ARPP21: variants seen among roughly 807,000 people sequenced by gnomAD.
ARPP21 encodes cAMP-regulated phosphoprotein 21.
Under a neutral mutation model 113.2 loss-of-function variants are expected in ARPP21, and 69 were observed. The observed-to-expected ratio is 0.61, with a 90% CI of 0.50 to 0.74. The LOEUF (loss-of-function observed/expected upper bound fraction) is 0.74, where lower values mean the gene tolerates loss of function less well. ARPP21 is among the 30% of genes least tolerant of loss of function. The probability of loss-of-function intolerance (pLI) is 0.00; values close to 1 mark genes in which losing one functional copy is unlikely to be tolerated. For synonymous variants in ARPP21, 368 were observed against 375.5 expected, an observed-to-expected ratio of 0.98 and a Z score of 0.23; for missense variants, 1,070 against 1,037.4, an observed-to-expected ratio of 1.03 and a Z score of -0.43.
chr3:35,670,632 C>T (rs2076099601), intron 1 of ARPP21, among the ~76,000 whole-genome samples: 1 of 151,966 alleles, frequency 6.6e-6, no homozygotes, highest in Admixed American at 6.6e-5. Context: ...CACAGATGGA[C>T]CCAGAGCCTG....
intron 9 of ARPP21, among the ~76,000 whole-genome samples, chr3:35,692,422 A>G (rs191737723): frequency 7.3e-5 from 11 of 151,672 alleles, no homozygotes; most frequent in Admixed American, 4.0e-4. Context: ...TGGCTTTTAG[A>G]TATCATCATG....
intron 19 of ARPP21, among the ~76,000 whole-genome samples, chr3:35,746,743 G>C (rs1337118203): frequency 6.6e-6 from 1 of 152,142 alleles, no homozygotes; most frequent in Non-Finnish European, 1.5e-5. Flanking sequence ...TTGCTTCTTG[G>C]CGCTGTTCTT....
chr3:35,679,099 T>C (rs2078220882), intron 1 of ARPP21, among the ~76,000 whole-genome samples: 1 of 151,878 alleles, frequency 6.6e-6, no homozygotes, highest in East Asian at 2.0e-4. Context: ...CAGTGTTTCT[T>C]TGCTGTCAAA....
At chr3:35,733,897 T>C (rs1252458271) in intron 15 of ARPP21, among the ~76,000 whole-genome samples, 1 of 152,220 alleles carries the variant, frequency 6.6e-6, no homozygotes, top group Non-Finnish European at 1.5e-5. Context: ...GCCCACAGCA[T>C]ATTAATCATA....
intron 1 of ARPP21, among the ~76,000 whole-genome samples, chr3:35,651,248 C>T (rs1259950403): frequency 1.3e-5 from 2 of 151,896 alleles, no homozygotes; most frequent in Non-Finnish European, 2.9e-5. Context: ...TATTTGGAGG[C>T]AGAGAGATGT....
chr3:35,704,443 C>T (rs1239362088), intron 9 of ARPP21, among the ~76,000 whole-genome samples: 2 of 151,814 alleles, frequency 1.3e-5, no homozygotes, highest in Admixed American at 6.6e-5. Context: ...ACACTTGAAA[C>T]TTAGAAGTTC....
chr3:35,748,071 A>G (rs375450496), intron 19 of ARPP21, among the ~76,000 whole-genome samples: 7,087 of 93,044 alleles, frequency 0.076, 531 homozygotes, highest in African/African-American at 0.21. Flanking sequence ...AGGAAGGAAG[A>G]AAGAAAGAAA....
intron 14 of ARPP21, among the ~76,000 whole-genome samples, chr3:35,725,831 T>G (rs974084160): frequency 6.6e-6 from 1 of 152,120 alleles, no homozygotes; most frequent in African/African-American, 2.4e-5. Flanking sequence ...CTTCAGTTTC[T>G]GAGCTTTCCA....
intron 10 of ARPP21, chr3:35,707,672 C>A: frequency 2.5e-6 from 1 of 397,746 alleles, no homozygotes; most frequent in Non-Finnish European, 5.1e-6. Flanking sequence ...GCTTGTTTTG[C>A]ATGAAGTGTA....
At chr3:35,649,741 T>C (rs1345916396) in intron 1 of ARPP21, among the ~76,000 whole-genome samples, 1 of 152,108 alleles carries the variant, frequency 6.6e-6, no homozygotes, top group East Asian at 1.9e-4. Flanking sequence ...GCAGAACAGG[T>C]GCCACCAAGC....
chr3:35,677,341 A>G (rs771220721), intron 1 of ARPP21, among the ~76,000 whole-genome samples: 1 of 151,798 alleles, frequency 6.6e-6, no homozygotes, highest in African/African-American at 2.4e-5. Flanking sequence ...ATGATGAAAG[A>G]CAGCATATCA....
At chr3:35,677,519 G>A (rs962423254) in intron 1 of ARPP21, among the ~76,000 whole-genome samples, 1 of 151,878 alleles carries the variant, frequency 6.6e-6, no homozygotes, top group Non-Finnish European at 1.5e-5. Context: ...ATAGTTTACA[G>A]CATTGTTGAT....
chr3:35,726,548 A>G (rs1045831576), intron 14 of ARPP21, among the ~76,000 whole-genome samples: 1 of 152,220 alleles, frequency 6.6e-6, no homozygotes, highest in Admixed American at 6.5e-5. Context: ...GAATCAAATC[A>G]TTTACATTGT....
At chr3:35,696,513 A>G (rs1273587150) in intron 9 of ARPP21, among the ~76,000 whole-genome samples, 1 of 151,564 alleles carries the variant, frequency 6.6e-6, no homozygotes, top group Non-Finnish European at 1.5e-5. Context: ...TGAGCTGAGA[A>G]GCCCTCCACG....
chr3:35,705,520 GAA>G lies in ARPP21; in HGVS notation c.687-1453_687-1452del, dbSNP rs2088532905. Among the ~76,000 whole-genome samples the G allele has an allele frequency of 2.6e-5, 4 of 152,258 alleles. 1 individual carries two copies. In the South Asian group the frequency reaches 8.3e-4, roughly 32 times the overall value. ...TGAAAAGTAGGATAATTTGATGGAG[GAA>G]TTTTGTTCTTTATCTTGAGGTTTGA... On this transcript the variant is annotated intron_variant, in intron 9 of 20. Coordinates refer to ENST00000684406, the MANE Select transcript of ARPP21 (RefSeq NM_001385562.1).
chr3:35,715,940 A>T (rs1230365990), intron 12 of ARPP21: 1 of 152,444 alleles, frequency 6.6e-6, no homozygotes, highest in East Asian at 1.9e-4. Flanking sequence ...TTTTTATTCT[A>T]AACAATCTAT....
intron 5 of ARPP21, chr3:35,684,017 C>G: frequency 1.3e-6 from 2 of 1,582,760 alleles, no homozygotes; most frequent in South Asian, 2.2e-5. Context: ...TTGTTTTTTT[C>G]CAGACTCTCT....
At chr3:35,786,936 G>A (rs1041895243) in intron 19 of ARPP21, among the ~76,000 whole-genome samples, 2 of 152,154 alleles carry the variant, frequency 1.3e-5, no homozygotes, top group Non-Finnish European at 2.9e-5. Context: ...ATATCAAGCT[G>A]TGTGTCTGTT....
At chr3:35,683,546 A>G (rs930087602) in intron 4 of ARPP21, among the ~76,000 whole-genome samples, 180 bp from the exon 5 acceptor site, 4 of 151,706 alleles carry the variant, frequency 2.6e-5, no homozygotes, top group Admixed American at 2.0e-4. Flanking sequence ...ATCCCCATCA[A>G]TACAGAGGTA....
Sources: allele counts gnomAD v4.1 joint callset (sites outside exome capture counted in the v4.1 genomes callset), GRCh38; gene constraint gnomAD v4.1.1; transcripts MANE v1.5; gene names NCBI Gene and HGNC (gene_info 2026-07-23, HGNC 2026-07-21).